CHRNE: variants seen among roughly 807,000 people sequenced by gnomAD.
CHRNE encodes cholinergic receptor nicotinic epsilon subunit, also known as acetylcholine receptor subunit epsilon.
A neutral mutation model predicts 56.5 loss-of-function variants in CHRNE; 58 were observed. The ratio of observed to expected loss-of-function variants is 1.03; its 90% confidence interval spans 0.83 to 1.28. The LOEUF (loss-of-function observed/expected upper bound fraction) is 1.28. CHRNE is among the 50% of genes most tolerant of loss of function. CHRNE has a pLI of 0.00. For synonymous variants in CHRNE, 385 were observed against 297.9 expected (o/e 1.29, Z -3.01); for missense variants, 793 against 688.9 (o/e 1.15, Z -1.69).
Position 4,898,628 on chromosome 17 carries a change from C to A in CHRNE, c.*108G>T. 7.0e-7 allele frequency: 1 copy of A among 1,421,738 alleles called. No individual in the cohort carries two copies. The highest frequency in any genetic ancestry group is 1.2e-5 in the South Asian group (1 of 80,826). 88.1% of individuals were successfully genotyped at this position (1,421,738 alleles called of 1,614,324 possible). ...CCATTCTTGTGAAGTTCACAAACTGCAGATTGATCAGCAGGGGGAAGGGAT... is the reference window on the plus strand; with the variant it reads ...CCATTCTTGTGAAGTTCACAAACTGAAGATTGATCAGCAGGGGGAAGGGAT... On this transcript the variant is annotated 3_prime_UTR_variant, in exon 12 of 12. Transcript: ENST00000649488.
upstream of CHRNE, chr17:4,903,147 G>A (rs1207306619): frequency 7.1e-7 from 1 of 1,402,452 alleles, no homozygotes; most frequent in African/African-American, 1.4e-5. Flanking sequence ...GGGGGAGGAG[G>A]GTGTTAGTTC....
At chr17:4,904,682 T>G (rs1484352813), upstream of CHRNE, among the ~76,000 whole-genome samples, 4 of 152,188 alleles carry the variant, frequency 2.6e-5, no homozygotes, top group African/African-American at 9.7e-5. Flanking sequence ...GACTTATCAA[T>G]CAACTCTATT....
rs1555546368 is a variant in CHRNE, at chr17:4,899,386, T to TG, written c.1033-3dup. ...GCGCGGCAGCAGCTCCAGGAGAACC[T>TG]GGGGCAGGGGCGGGGCTTAGGGGAC... is the stretch of plus-strand genomic sequence containing the variant. On this transcript the variant is annotated splice_polypyrimidine_tract_variant and splice_region_variant and intron_variant, in intron 9 of 11. Coordinates refer to ENST00000649488, the MANE Select transcript of CHRNE (RefSeq NM_000080.4). 2.0e-6 allele frequency: 3 copies of TG among 1,533,780 alleles called. No individual in the cohort carries two copies. The African/African-American group carries it at 4.1e-5, about 21-fold the overall frequency.
chr17:4,899,146 C>G, intron 10 of CHRNE, 39 bp from the exon 11 acceptor site: 1 of 1,597,810 alleles, frequency 6.3e-7, no homozygotes, highest in Non-Finnish European at 8.5e-7. Context: ...TAGGAGCCTC[C>G]CCCCTGGCAG....
intron 6 of CHRNE, 164 bp downstream of exon 6, chr17:4,901,361 C>G (rs529241782): frequency 1.1e-6 from 1 of 942,168 alleles, no homozygotes; most frequent in Non-Finnish European, 1.7e-6. Context: ...AGCCAGAAGG[C>G]AGGACTAGAG....
At chr17:4,900,032 G>A in intron 8 of CHRNE, 1 of 1,551,406 alleles carries the variant, frequency 6.4e-7, no homozygotes, top group Non-Finnish European at 8.7e-7. Context: ...GAAGTCCCTG[G>A]AGCCACCCGA....
At position 4,901,165 on chromosome 17, in the gene CHRNE, G is replaced by A. The variant is rs1168685337; in HGVS notation, c.627C>T (p.Phe209=). 1 of 1,608,108 alleles carries A rather than the reference G, an allele frequency of 6.2e-7. No individual in the cohort carries two copies. The highest frequency in any genetic ancestry group is 1.7e-5 in the Admixed American group (1 of 60,008). ...GGTGGCGGCGGATCACCCCCGGGCA[G>A]AAGTCGATGGCCCACTCGCCGTTCT... ...YTENGEWAID[F]CPGVIRRHHG... Residue 209 remains phenylalanine, a synonymous_variant, in exon 7 of 12, where the codon TTC becomes TTT. Coordinates refer to ENST00000649488, the MANE Select transcript of CHRNE (RefSeq NM_000080.4).
chr17:4,900,557 G>A, intron 8 of CHRNE: 1 of 1,550,306 alleles, frequency 6.5e-7, no homozygotes. Flanking sequence ...CGGGGCTAGG[G>A]AGGCACTGAG....
rs1359093573 is a variant in CHRNE at position 4,899,547 on chromosome 17, A to G, written c.953T>C (p.Ile318Thr). 2.5e-6 allele frequency: 4 copies of G among 1,600,040 alleles called. No homozygotes were observed. Among genetic ancestry groups the G allele is most frequent in the Non-Finnish European group, 3.4e-6 (4 of 1,174,368 alleles). ...LIFVMVVATL[I>T]VMNCVIVLNV... is the part of the protein sequence containing the mutation. ...GAGCACGATGACGCAATTCATGACAATGAGCGTGGCGACCACCATGACGAA... is the reference window on the plus strand; with the variant it reads ...GAGCACGATGACGCAATTCATGACAGTGAGCGTGGCGACCACCATGACGAA... Residue 318 changes from isoleucine (I) to threonine (T), a missense_variant, in exon 9 of 12, where the codon ATT (isoleucine) becomes ACT (threonine). By Grantham distance (89) the Ile-to-Thr change is moderately conservative. Transcript: ENST00000649488.
intron 7 of CHRNE, 27 bp downstream of exon 7, chr17:4,900,963 G>C (rs1384491163): frequency 3.1e-6 from 5 of 1,613,956 alleles, no homozygotes; most frequent in Non-Finnish European, 2.5e-6. Flanking sequence ...GCCCGGGTTT[G>C]GGGGTAGGTT....
At chr17:4,898,928 T>C in intron 11 of CHRNE, 37 bp from the exon 12 acceptor site, 3 of 1,566,970 alleles carry the variant, frequency 1.9e-6, no homozygotes, top group Non-Finnish European at 2.6e-6. Context: ...AAGAGGCAGC[T>C]GCAGGAGCCA....
chr17:4,901,880 TAA>T, intron 5 of CHRNE, 50 bp downstream of exon 5: 26 of 829,638 alleles, frequency 3.1e-5, no homozygotes, highest in Non-Finnish European at 4.9e-5. Flanking sequence ...CCCCGCCCCA[TAA>T]GGCCCCCCCC....
upstream of CHRNE, among the ~76,000 whole-genome samples, chr17:4,903,861 A>T (rs568704872): frequency 8.6e-5 from 13 of 151,608 alleles, no homozygotes; most frequent in South Asian, 2.1e-4. Context: ...GTTCCTTTTT[A>T]AAAAAAATTT....
In CHRNE at chr17:4,898,670, C is replaced by G. The variant is rs558514175; in HGVS notation, c.*66G>C. 1.9e-6 allele frequency: 3 copies of G among 1,554,030 alleles called. No homozygotes were observed. Among genetic ancestry groups the G allele is most frequent in the South Asian group, 2.4e-5 (2 of 84,788 alleles). On this transcript the variant is annotated 3_prime_UTR_variant, in exon 12 of 12. Coordinates refer to ENST00000649488, the MANE Select transcript of CHRNE (RefSeq NM_000080.4). ...GGAAGGGATCATAATGCCGTGGTGG[C>G]GGCAGCCTACTTTTTCAAAATCAAT...
upstream of CHRNE, among the ~76,000 whole-genome samples, chr17:4,906,616 G>A (rs1970095389): frequency 6.6e-6 from 1 of 152,106 alleles, no homozygotes; most frequent in African/African-American, 2.4e-5. Context: ...TCACTGGGAG[G>A]CTGAGGTAGG....
chr17:4,907,955 T>C (rs889968476), upstream of CHRNE, among the ~76,000 whole-genome samples: 1 of 152,060 alleles, frequency 6.6e-6, no homozygotes, highest in African/African-American at 2.4e-5. Flanking sequence ...GGCGGGCGGA[T>C]CACGAGGTCA....
chr17:4,908,530 G>A lies in CHRNE; in HGVS notation c.-887-5767C>T, dbSNP rs566525854. Among the ~76,000 whole-genome samples the A allele has an allele frequency of 2.0e-4, 30 of 152,332 alleles. 1 individual carries two copies. Among genetic ancestry groups the A allele is most frequent in the Admixed American group, 1.2e-3 (18 of 15,304 alleles). On this transcript the variant is annotated intron_variant, in intron 1 of 10. Coordinates refer to the CHRNE transcript ENST00000649830. ...CAGCCACCGTCTTTGTCTAGGTTTGGTTTGCTCACAGTGAGGACTGCCTCG... is the reference window on the plus strand; with the variant it reads ...CAGCCACCGTCTTTGTCTAGGTTTGATTTGCTCACAGTGAGGACTGCCTCG...
rs1479904420 is a variant in CHRNE, at chr17:4,902,949, T to C, written c.46+69A>G. The C allele has an allele frequency of 1.9e-6, 3 of 1,606,460 alleles. No individual in the cohort carries two copies. The highest frequency in any genetic ancestry group is 3.3e-5 in the Admixed American group (2 of 59,974). On this transcript the variant is annotated intron_variant, in intron 1 of 11. Coordinates refer to ENST00000649488, the MANE Select transcript of CHRNE (RefSeq NM_000080.4). The surrounding 1 kb of genome is among the most constrained non-coding windows in gnomAD (Gnocchi z 4.0). ...CTAAGTCTCCATCTTGGTCTCTGTC[T>C]TTGTCTTCCCAGTCCCTTCATGTCA...
chr17:4,899,983 C>T (rs1448968297), intron 8 of CHRNE: 2 of 1,551,410 alleles, frequency 1.3e-6, no homozygotes, highest in African/African-American at 1.4e-5. Flanking sequence ...TCTCCGTGGC[C>T]GCAGCCCATG....
Sources: gnomAD v4.1 joint callset for allele counts (sites outside exome capture counted in the v4.1 genomes callset) on GRCh38, gnomAD v4.1.1 for gene constraint, Gnocchi (gnomAD v3.1) non-coding constraint, MANE v1.5 for transcripts, NCBI Gene and HGNC (gene_info 2026-07-23, HGNC 2026-07-21) for gene names.